Variants in RAPGEF5 observed in about 807,000 individuals in gnomAD.
RAPGEF5 encodes the protein Rap guanine nucleotide exchange factor 5.
RAPGEF5 carries 65 observed loss-of-function variants against 125.2 expected under a neutral mutation model. That is an observed-to-expected ratio of 0.52 (90% confidence interval 0.43 to 0.64). The LOEUF (loss-of-function observed/expected upper bound fraction) is 0.64. RAPGEF5 is among the 30% of genes least tolerant of loss of function. RAPGEF5 has a pLI of 0.00. For synonymous variants in RAPGEF5, 391 were observed against 385.9 expected, an observed-to-expected ratio of 1.01 and a Z score of -0.16; for missense variants, 958 against 1,048.1, an observed-to-expected ratio of 0.91 and a Z score of 1.19.
chr7:22,287,229 G>C (rs577482729), intron 6 of RAPGEF5, among the ~76,000 whole-genome samples: 1 of 152,162 alleles, frequency 6.6e-6, no homozygotes, highest in Non-Finnish European at 1.5e-5. Context: ...AACATGGCTG[G>C]AACAATTTAA....
At chr7:22,291,560 G>A (rs1179833378) in intron 5 of RAPGEF5, among the ~76,000 whole-genome samples, 1 of 152,196 alleles carries the variant, frequency 6.6e-6, no homozygotes, top group African/African-American at 2.4e-5. Flanking sequence ...ACAGAAGGTA[G>A]ATGCAAATAA....
chr7:22,339,493 CAGCAAA>C (rs1784087726), intron 1 of RAPGEF5, among the ~76,000 whole-genome samples: 1 of 152,060 alleles, frequency 6.6e-6, no homozygotes. Flanking sequence ...TTTGTTATTG[CAGCAAA>C]AGCTGCAATA....
chr7:22,276,113 TAA>T (rs1363829674), intron 6 of RAPGEF5, among the ~76,000 whole-genome samples: 2 of 152,340 alleles, frequency 1.3e-5, no homozygotes, highest in East Asian at 1.9e-4. Context: ...TTTAAGGAAA[TAA>T]GTCTATATTA....
chr7:22,301,614 C>CAAAAAAAAA, intron 5 of RAPGEF5, among the ~76,000 whole-genome samples: 1 of 83,808 alleles, frequency 1.2e-5, no homozygotes, highest in African/African-American at 4.7e-5. Flanking sequence ...GACTCTGTCT[C>CAAAAAAAAA]AAAAAAAAAA....
intron 6 of RAPGEF5, among the ~76,000 whole-genome samples, chr7:22,273,364 G>A (rs539584702): frequency 4.6e-5 from 7 of 151,930 alleles, no homozygotes; most frequent in South Asian, 2.1e-4. Context: ...GACTACAGGC[G>A]CCCACCACCG....
intron 7 of RAPGEF5, among the ~76,000 whole-genome samples, chr7:22,255,426 C>CA (rs549037367): frequency 3.4e-4 from 51 of 148,080 alleles, no homozygotes; most frequent in African/African-American, 8.2e-4. Context: ...CTATTTCTAC[C>CA]AAAAAAAAAA....
chr7:22,138,157 T>C (rs1783139541), intron 21 of RAPGEF5, among the ~76,000 whole-genome samples: 1 of 152,110 alleles, frequency 6.6e-6, no homozygotes, highest in Non-Finnish European at 1.5e-5. Flanking sequence ...CTGTGGGACA[T>C]CCCTCACAAA....
At chr7:22,235,041 A>C (rs1786153695) in intron 7 of RAPGEF5, among the ~76,000 whole-genome samples, 1 of 152,196 alleles carries the variant, frequency 6.6e-6, no homozygotes, top group Admixed American at 6.5e-5. Flanking sequence ...TTAAAAATCA[A>C]CCAACCCATT....
chr7:22,141,296 A>G (rs1327085119), intron 20 of RAPGEF5, among the ~76,000 whole-genome samples: 1 of 152,196 alleles, frequency 6.6e-6, no homozygotes, highest in African/African-American at 2.4e-5. Flanking sequence ...TTGGACTTCC[A>G]GTCATTCCAT....
chr7:22,316,710 C>G (rs1415626471), intron 2 of RAPGEF5, among the ~76,000 whole-genome samples: 1 of 150,866 alleles, frequency 6.6e-6, no homozygotes, highest in Non-Finnish European at 1.5e-5. Context: ...GCTGCTCAGG[C>G]TGGTCTTGAA....
chr7:22,247,930 T>C (rs1786520825), intron 7 of RAPGEF5, among the ~76,000 whole-genome samples: 1 of 152,052 alleles, frequency 6.6e-6, no homozygotes, highest in Non-Finnish European at 1.5e-5. Flanking sequence ...CAATGGGTAC[T>C]TATGGACAAA....
chr7:22,255,145 G>C (rs1228382304), intron 7 of RAPGEF5, among the ~76,000 whole-genome samples: 1 of 152,054 alleles, frequency 6.6e-6, no homozygotes. Context: ...CTTGAATACA[G>C]GATTATAAGG....
intron 6 of RAPGEF5, among the ~76,000 whole-genome samples, chr7:22,277,656 T>C (rs1033818904): frequency 2.6e-5 from 4 of 152,166 alleles, no homozygotes; most frequent in Non-Finnish European, 4.4e-5. Context: ...ACCTGTTTCC[T>C]TGCTGGTTGT....
At chr7:22,126,274 A>G (rs1002554924) in intron 24 of RAPGEF5, among the ~76,000 whole-genome samples, 2 of 152,198 alleles carry the variant, frequency 1.3e-5, no homozygotes, top group African/African-American at 4.8e-5. Context: ...ACATTTGCAC[A>G]TGTGTTTCAC....
intron 20 of RAPGEF5, among the ~76,000 whole-genome samples, chr7:22,143,121 A>G (rs538917438): frequency 6.6e-6 from 1 of 152,340 alleles, no homozygotes; most frequent in East Asian, 1.9e-4. Context: ...ATTAGCATTT[A>G]TAAGAAAGCT....
chr7:22,347,256 A>C (rs1784239742), intron 1 of RAPGEF5, among the ~76,000 whole-genome samples: 2 of 152,172 alleles, frequency 1.3e-5, no homozygotes, highest in Admixed American at 1.3e-4. Flanking sequence ...TACCTAAGCA[A>C]TATCAGTGTT....
chr7:22,309,382 TAGC>T (rs1379673256), intron 4 of RAPGEF5, among the ~76,000 whole-genome samples: 1 of 152,198 alleles, frequency 6.6e-6, no homozygotes, highest in African/African-American at 2.4e-5. Context: ...AGTGACCAAC[TAGC>T]AGCTGAGAGA....
chr7:22,254,375 G>A (rs1205139276), intron 7 of RAPGEF5, among the ~76,000 whole-genome samples: 6 of 151,658 alleles, frequency 4.0e-5, no homozygotes, highest in African/African-American at 4.8e-5. Flanking sequence ...TTGGGAGGAC[G>A]AGGCGGGCGG....
chr7:22,288,712 T>C (rs749337907), intron 6 of RAPGEF5, among the ~76,000 whole-genome samples: 11 of 151,976 alleles, frequency 7.2e-5, no homozygotes, highest in Non-Finnish European at 1.6e-4. Context: ...TTAGTAGAGA[T>C]GGGGTTTCAC....
Sources: gnomAD v4.1 joint callset for allele counts (sites outside exome capture counted in the v4.1 genomes callset) on GRCh38, gnomAD v4.1.1 for gene constraint, MANE v1.5 for transcripts, NCBI Gene and HGNC (gene_info 2026-07-23, HGNC 2026-07-21) for gene names.